Variants in ST8SIA5 observed in about 807,000 individuals in gnomAD.
The protein encoded by ST8SIA5 is alpha-2,8-sialyltransferase 8E.
ST8SIA5 carries 24 observed loss-of-function variants against 40.2 expected under a neutral mutation model. That is an observed-to-expected ratio of 0.60 (90% CI 0.43 to 0.84). The LOEUF (loss-of-function observed/expected upper bound fraction) is 0.84, where lower values mean the gene tolerates loss of function less well. Ranked by LOEUF, ST8SIA5 falls within the 40% of genes least tolerant of loss-of-function variation. The pLI is 0.00. For synonymous variants in ST8SIA5, 198 were observed against 201.8 expected (o/e 0.98, Z 0.16); for missense variants, 465 against 498.5 (o/e 0.93, Z 0.64).
At position 46,723,665 on chromosome 18, in the gene ST8SIA5, C is replaced by T. The variant is rs112088565; in HGVS notation, c.132-19001G>A. ...AGAAGGCCAAGCGTAGTGGCTCATGCCTGTAATCCCAGCACTTTGGAAGGC... is the reference window on the plus strand; with the variant it reads ...AGAAGGCCAAGCGTAGTGGCTCATGTCTGTAATCCCAGCACTTTGGAAGGC... On this transcript the variant is annotated intron_variant, in intron 1 of 6. Transcript: ENST00000315087. Among the ~76,000 whole-genome samples, 213 of 152,288 alleles carry T rather than the reference C, an allele frequency of 1.4e-3. 1 individual carries two copies. The highest frequency in any genetic ancestry group is 5.0e-3 in the African/African-American group (207 of 41,566).
At chr18:46,729,939 G>T (rs533277746) in intron 1 of ST8SIA5, among the ~76,000 whole-genome samples, 5 of 152,244 alleles carry the variant, frequency 3.3e-5, no homozygotes, top group East Asian at 1.9e-4. Context: ...CCAGGCCAGG[G>T]TTCTACTAAG....
rs1484461030 is a variant in ST8SIA5, at chr18:46,673,533, C to T, written c.*6509G>A. On this transcript the variant is annotated 3_prime_UTR_variant, in exon 7 of 7. Coordinates refer to ENST00000315087, the MANE Select transcript of ST8SIA5 (RefSeq NM_013305.6). ...AGATAGGGCCTCACACATGCTGATT[C>T]CCAGGCGCCACCTCTCCCCCAGGTT... 3 of 152,086 alleles carry T rather than the reference C, an allele frequency of 2.0e-5. No homozygotes were observed. The highest frequency in any genetic ancestry group is 6.5e-5 in the Admixed American group (1 of 15,270). 9.4% of individuals were successfully genotyped at this position (152,086 alleles called of 1,614,324 possible).
intron 1 of ST8SIA5, among the ~76,000 whole-genome samples, chr18:46,732,757 G>C (rs527326349): frequency 6.6e-6 from 1 of 152,244 alleles, no homozygotes; most frequent in East Asian, 1.9e-4. Context: ...AAGGTAGCTC[G>C]GTTTTCTTAT....
intron 1 of ST8SIA5, among the ~76,000 whole-genome samples, chr18:46,750,496 G>A (rs370875936): frequency 3.9e-5 from 6 of 152,006 alleles, no homozygotes; most frequent in South Asian, 2.1e-4. Context: ...GGTAACCTGC[G>A]CTCCCTGTCT....
chr18:46,682,423 A>G (rs553006911), intron 5 of ST8SIA5, among the ~76,000 whole-genome samples: 1 of 152,346 alleles, frequency 6.6e-6, no homozygotes, highest in African/African-American at 2.4e-5. Flanking sequence ...TTCCCTGAGG[A>G]AGCAATGCTT....
In ST8SIA5 at chr18:46,671,458, G is replaced by C. The variant is rs2039308742; in HGVS notation, c.*8584C>G. 6.6e-6 allele frequency: 1 copy of C among 152,390 alleles called. No individual in the cohort carries two copies. Among genetic ancestry groups the C allele is most frequent in the South Asian group, 2.1e-4 (1 of 4,834 alleles). 9.4% of individuals were successfully genotyped at this position (152,390 alleles called of 1,614,324 possible). On this transcript the variant is annotated 3_prime_UTR_variant, in exon 7 of 7. Coordinates refer to ENST00000315087, the MANE Select transcript of ST8SIA5 (RefSeq NM_013305.6). ...CAGATGTGGAGGTGGGCAGAGGGCT[G>C]GGTCTGCATCAGAAAACCAGGCTTT...
intron 1 of ST8SIA5, among the ~76,000 whole-genome samples, chr18:46,739,454 A>C (rs928584765): frequency 2.6e-5 from 4 of 152,192 alleles, no homozygotes; most frequent in African/African-American, 9.7e-5. Flanking sequence ...GAATTGCTTG[A>C]ACCCGGGAGG....
At position 46,756,739 on chromosome 18, in the gene ST8SIA5, C is replaced by A; in HGVS notation, c.-231G>T. On this transcript the variant is annotated 5_prime_UTR_variant, in exon 1 of 7. Coordinates refer to ENST00000315087, the MANE Select transcript of ST8SIA5 (RefSeq NM_013305.6). ...CAGGGCCGGTGGCAGGGAGCTCTGCCGCGGCCAGGGGCCTTCCCCACCCCC... is the reference window on the plus strand; with the variant it reads ...CAGGGCCGGTGGCAGGGAGCTCTGCAGCGGCCAGGGGCCTTCCCCACCCCC... The A allele has an allele frequency of 2.0e-6, 1 of 490,740 alleles. No homozygotes were observed. Among genetic ancestry groups the A allele is most frequent in the Non-Finnish European group, 3.5e-6 (1 of 285,632 alleles). The allele number at this position is 490,740 out of a possible 1,614,324, so 30.4% of individuals were successfully genotyped here.
At chr18:46,696,819 G>C (rs1382019817) in intron 2 of ST8SIA5, among the ~76,000 whole-genome samples, 1 of 152,154 alleles carries the variant, frequency 6.6e-6, no homozygotes, top group Non-Finnish European at 1.5e-5. Context: ...TAGATGAATA[G>C]AATGACAGGG....
intron 5 of ST8SIA5, 64 bp from the exon 6 acceptor site, chr18:46,682,128 C>T (rs2039403365): frequency 7.7e-7 from 1 of 1,295,238 alleles, no homozygotes. Context: ...GGGGAGGGTG[C>T]AGGGGGAGGG....
chr18:46,699,119 T>G (rs1055579616), intron 2 of ST8SIA5, among the ~76,000 whole-genome samples: 2 of 152,222 alleles, frequency 1.3e-5, no homozygotes, highest in Admixed American at 6.5e-5. Flanking sequence ...CTTGTCATTT[T>G]AAAAGTCAAC....
intron 1 of ST8SIA5, among the ~76,000 whole-genome samples, chr18:46,725,967 AAAAAAAT>A (rs1232245777): frequency 6.6e-5 from 3 of 45,768 alleles, no homozygotes; most frequent in Admixed American, 2.8e-4. Flanking sequence ...CTTAAAAAAA[AAAAAAAT>A]ATATATATAT....
At chr18:46,711,822 C>T (rs925072032) in intron 1 of ST8SIA5, among the ~76,000 whole-genome samples, 2 of 152,238 alleles carry the variant, frequency 1.3e-5, no homozygotes, top group African/African-American at 2.4e-5. Context: ...TGGTCCATGG[C>T]CCGGCTCAGC....
chr18:46,713,814 G>A (rs1445320024), intron 1 of ST8SIA5, among the ~76,000 whole-genome samples: 1 of 152,200 alleles, frequency 6.6e-6, no homozygotes, highest in Non-Finnish European at 1.5e-5. Flanking sequence ...GCAGATTCAA[G>A]GGAGAAGGGA....
In ST8SIA5 at chr18:46,756,524, C is replaced by T; in HGVS notation, c.-16G>A. The T allele has an allele frequency of 1.2e-6, 2 of 1,611,430 alleles. No individual in the cohort carries two copies. Among genetic ancestry groups the T allele is most frequent in the Non-Finnish European group, 1.7e-6 (2 of 1,178,480 alleles). ...CGTAGCGCATCCTGGCTACCGGGCGCCGCGGGCGCGGGGTACGGGGCGGCC... is the reference window on the plus strand; with the variant it reads ...CGTAGCGCATCCTGGCTACCGGGCGTCGCGGGCGCGGGGTACGGGGCGGCC... On this transcript the variant is annotated 5_prime_UTR_variant, in exon 1 of 7. Coordinates refer to ENST00000315087, the MANE Select transcript of ST8SIA5 (RefSeq NM_013305.6).
At chr18:46,736,541 G>A (rs908340228) in intron 1 of ST8SIA5, among the ~76,000 whole-genome samples, 1 of 152,174 alleles carries the variant, frequency 6.6e-6, no homozygotes, top group Non-Finnish European at 1.5e-5. Flanking sequence ...GGAAGGAAGA[G>A]AAAGCACTTG....
At chr18:46,682,313 A>T (rs2039405708) in intron 5 of ST8SIA5, among the ~76,000 whole-genome samples, 1 of 152,238 alleles carries the variant, frequency 6.6e-6, no homozygotes, top group Admixed American at 6.5e-5. Context: ...TGTAAAATGC[A>T]GTTACAAGCT....
chr18:46,721,246 G>T, intron 1 of ST8SIA5: 1 of 904,200 alleles, frequency 1.1e-6, no homozygotes, highest in Non-Finnish European at 1.7e-6. Context: ...GGAGTTTCGA[G>T]CCACCAGAAC....
chr18:46,741,119 C>T (rs2040082905), intron 1 of ST8SIA5, among the ~76,000 whole-genome samples: 1 of 151,954 alleles, frequency 6.6e-6, no homozygotes, highest in Admixed American at 6.6e-5. Context: ...ATGCCAAAAT[C>T]TGATCATTTT....
Sources: allele counts gnomAD v4.1 joint callset (sites outside exome capture counted in the v4.1 genomes callset), GRCh38; gene constraint gnomAD v4.1.1; transcripts MANE v1.5; gene names NCBI Gene and HGNC (gene_info 2026-07-23, HGNC 2026-07-21).